The following RMND1 variants were observed in gnomAD, a reference collection of about 807,000 sequenced individuals.
The protein encoded by RMND1 is required for meiotic nuclear division protein 1 homolog.
A neutral mutation model predicts 54.0 loss-of-function variants in RMND1; 41 were observed. The observed-to-expected ratio is 0.76, with a 90% CI of 0.59 to 0.98. The LOEUF (loss-of-function observed/expected upper bound fraction) is 0.98. RMND1 is among the 50% of genes least tolerant of loss of function. The pLI, the probability that RMND1 is intolerant of heterozygous loss-of-function variation, is 0.00. For synonymous variants in RMND1, 183 were observed against 181.7 expected (o/e 1.01, Z -0.06); for missense variants, 457 against 532.0 (o/e 0.86, Z 1.39).
At chr6:151,418,834 G>A (rs998685094) in intron 9 of RMND1, among the ~76,000 whole-genome samples, 11 of 151,832 alleles carry the variant, frequency 7.2e-5, no homozygotes, top group Non-Finnish European at 1.0e-4. Flanking sequence ...GTATTGGCGC[G>A]ATCTTGGCTC....
chr6:151,439,950 G>A (rs1293940645), intron 2 of RMND1, among the ~76,000 whole-genome samples: 2 of 151,168 alleles, frequency 1.3e-5, no homozygotes, highest in East Asian at 2.0e-4. Context: ...ATCAGTGACC[G>A]CACCCGGCCT....
chr6:151,441,682 T>C (rs1780779284), intron 2 of RMND1, among the ~76,000 whole-genome samples: 1 of 152,154 alleles, frequency 6.6e-6, no homozygotes, highest in Non-Finnish European at 1.5e-5. Context: ...GGTTGATCAA[T>C]GCATCCATGT....
intron 10 of RMND1, among the ~76,000 whole-genome samples, chr6:151,413,053 G>A (rs1374172525): frequency 3.9e-5 from 6 of 152,168 alleles, no homozygotes; most frequent in Non-Finnish European, 7.3e-5. Context: ...CTATGGAGAA[G>A]CTTCTGGACA....
chr6:151,411,778 T>G (rs1307486699), intron 10 of RMND1: 1 of 152,148 alleles, frequency 6.6e-6, no homozygotes, highest in African/African-American at 2.4e-5. Context: ...CAGAACACAA[T>G]GAGATCAGTA....
chr6:151,422,315 T>C (rs1223058651), intron 8 of RMND1, among the ~76,000 whole-genome samples: 1 of 152,152 alleles, frequency 6.6e-6, no homozygotes, highest in African/African-American at 2.4e-5. Context: ...TTTTAGGTAA[T>C]CTAGAGATGG....
intron 10 of RMND1, chr6:151,411,649 C>G: frequency 6.6e-6 from 1 of 152,168 alleles, no homozygotes; most frequent in South Asian, 2.1e-4. Flanking sequence ...GTAATTCCAT[C>G]TTGAATACTG....
At chr6:151,419,717 T>G (rs6899783) in intron 9 of RMND1, among the ~76,000 whole-genome samples, 1 of 142,974 alleles carries the variant, frequency 7.0e-6, no homozygotes, top group African/African-American at 2.6e-5. Flanking sequence ...TGTTCACGAT[T>G]AAAAAAAAAA....
intron 10 of RMND1, among the ~76,000 whole-genome samples, chr6:151,408,343 T>C (rs1368026371): frequency 1.3e-5 from 2 of 151,826 alleles, no homozygotes; most frequent in African/African-American, 4.8e-5. Context: ...AATAGAAAAA[T>C]TAGCTGGGTG....
chr6:151,412,785 G>C (rs1473456158), intron 10 of RMND1, among the ~76,000 whole-genome samples: 1 of 152,136 alleles, frequency 6.6e-6, no homozygotes, highest in Non-Finnish European at 1.5e-5. Flanking sequence ...GAAGAAGAGC[G>C]AACAAGGGGA....
At position 151,447,216 on chromosome 6, in the gene RMND1, C is replaced by T. The variant is rs185203863; in HGVS notation, c.-14-1391G>A. On this transcript the variant is annotated intron_variant, in intron 1 of 11. Transcript: ENST00000444024. ...TGCAGGAGGTAAGGACCAAAAGAGC[C>T]GATGGCCAGATCACCAAAGGATATA... 2.8e-4 allele frequency among the ~76,000 whole-genome samples: 43 copies of T among 152,178 alleles called. No homozygotes were observed. The East Asian group carries it at 7.7e-3, about 27-fold the overall frequency.
At chr6:151,451,198 T>TAAAAA (rs58457871) in intron 1 of RMND1, among the ~76,000 whole-genome samples, 12 of 113,316 alleles carry the variant, frequency 1.1e-4, no homozygotes, top group South Asian at 5.4e-4. Context: ...GAATGATCAA[T>TAAAAA]AAAAAAAAAA....
intron 10 of RMND1, among the ~76,000 whole-genome samples, chr6:151,408,102 T>G (rs6557136): frequency 0.46 from 70,407 of 151,604 alleles, 20,153 homozygotes; most frequent in African/African-American, 0.79. Context: ...GTGGGGTTAT[T>G]GGGGGATGAA....
At chr6:151,445,110 T>C (rs1780913630) in intron 2 of RMND1, 198 bp downstream of exon 2, 1 of 534,962 alleles carries the variant, frequency 1.9e-6, no homozygotes, top group African/African-American at 1.9e-5. Flanking sequence ...TGTATTTTGT[T>C]TTTATATGTA....
intron 4 of RMND1, 90 bp downstream of exon 4, chr6:151,433,065 C>A: frequency 1.5e-6 from 1 of 685,940 alleles, no homozygotes; most frequent in South Asian, 1.8e-5. Context: ...AACACATTTA[C>A]TGTTAAGAAA....
At chr6:151,419,236 TG>T (rs1780087677) in intron 9 of RMND1, among the ~76,000 whole-genome samples, 1 of 151,910 alleles carries the variant, frequency 6.6e-6, no homozygotes, top group Non-Finnish European at 1.5e-5. Flanking sequence ...GGCTAATTTT[TG>T]TATTTTTGGT....
rs2114952510 is a variant in RMND1, at chr6:151,432,266, T to C, written c.689+889A>G. ...CTTGCACTGTATTTCTGCTAGACAG[T>C]GCTGATGTAGAGTCCCTCACAAATC... is the stretch of plus-strand genomic sequence containing the variant. On this transcript the variant is annotated intron_variant, in intron 4 of 11. Coordinates refer to ENST00000444024, the MANE Select transcript of RMND1 (RefSeq NM_017909.4). Among the ~76,000 whole-genome samples, 7 of 152,262 alleles carry C rather than the reference T, an allele frequency of 4.6e-5. 1 individual carries two copies. In the South Asian group the frequency reaches 1.5e-3, roughly 32 times the overall value.
rs1177130401 is a variant in RMND1, at chr6:151,427,454, T to C, written c.830+28A>G. On this transcript the variant is annotated intron_variant, in intron 6 of 11. Coordinates refer to ENST00000444024, the MANE Select transcript of RMND1 (RefSeq NM_017909.4). ...TACCTAATTTATTCCAAGTGCCCCTTTCATAAATTTGATGAAAAGTTGCTT... is the reference window on the plus strand; with the variant it reads ...TACCTAATTTATTCCAAGTGCCCCTCTCATAAATTTGATGAAAAGTTGCTT... 4 of 1,355,444 alleles carry C rather than the reference T, an allele frequency of 3.0e-6. No homozygotes were observed. The Admixed American group carries it at 6.8e-5, about 23-fold the overall frequency. The allele number at this position is 1,355,444 out of a possible 1,614,324, so 84.0% of individuals were successfully genotyped here.
chr6:151,410,221 A>T (rs918450542), intron 10 of RMND1, among the ~76,000 whole-genome samples: 1 of 151,666 alleles, frequency 6.6e-6, no homozygotes, highest in Non-Finnish European at 1.5e-5. Flanking sequence ...CGCCCAGCTA[A>T]TTTTTTTGTA....
chr6:151,420,886 G>A (rs1020815245), intron 9 of RMND1: 3 of 156,632 alleles, frequency 1.9e-5, no homozygotes, highest in Non-Finnish European at 2.8e-5. Flanking sequence ...CTTTTCTGTA[G>A]CAATTAAGCC....
Sources: allele counts gnomAD v4.1 joint callset (sites outside exome capture counted in the v4.1 genomes callset), GRCh38; gene constraint gnomAD v4.1.1; transcripts MANE v1.5; gene names NCBI Gene and HGNC (gene_info 2026-07-23, HGNC 2026-07-21).